Variants in SLC25A4 observed in about 807,000 individuals in gnomAD.
SLC25A4 encodes the protein solute carrier family 25 member 4.
A neutral mutation model predicts 24.7 loss-of-function variants in SLC25A4; 10 were observed. The ratio of observed to expected loss-of-function variants is 0.41; its 90% CI spans 0.25 to 0.69. SLC25A4 has a LOEUF of 0.69. Among genes scored for constraint, SLC25A4 ranks in the 30% least tolerant of loss-of-function variants. The probability of loss-of-function intolerance (pLI) is 0.35; values close to 1 mark genes in which losing one functional copy is unlikely to be tolerated. For missense variants in SLC25A4, 273 were observed against 387.6 expected, an observed-to-expected ratio of 0.70 and a Z score of 2.48; for synonymous variants, 125 against 153.3, an observed-to-expected ratio of 0.82 and a Z score of 1.36.
In SLC25A4 at chr4:185,146,516, A is replaced by G. The variant is rs555931268; in HGVS notation, c.740-298A>G. Reference sequence around the variant, plus strand: ...CCATAAAAAAAGGTAACCGCGTAGCATAATACTCCTGCTCCACTGCGCCCT... The same window carrying G: ...CCATAAAAAAAGGTAACCGCGTAGCGTAATACTCCTGCTCCACTGCGCCCT... On this transcript the variant is annotated intron_variant, in intron 3 of 3. Transcript: ENST00000281456. 3.0e-4 allele frequency among the ~76,000 whole-genome samples: 45 copies of G among 152,362 alleles called. No homozygotes were observed. The East Asian group carries it at 8.3e-3, about 28-fold the overall frequency.
chr4:185,146,890 A>C lies in SLC25A4; in HGVS notation c.816A>C (p.Lys272Asn). The change falls in exon 4 of 4, where the codon AAA becomes AAC. Residue 272 changes from lysine (K) to asparagine (N), a missense_variant. Transcript: ENST00000281456. ...ACGAAGGAGCCAAGGCCTTCTTCAA[A>C]GGTGCCTGGTCCAATGTGCTGAGAG... ...AKDEGAKAFFKGAWSNVLRGM... is the reference protein window; with the variant it reads ...AKDEGAKAFFNGAWSNVLRGM... 1 of 1,614,212 alleles carries C rather than the reference A, an allele frequency of 6.2e-7. No individual in the cohort carries two copies. The highest frequency in any genetic ancestry group is 8.5e-7 in the Non-Finnish European group (1 of 1,180,024).
chr4:185,146,652 G>A (rs1278821316), intron 3 of SLC25A4, among the ~76,000 whole-genome samples, 162 bp from the exon 4 acceptor site: 1 of 152,210 alleles, frequency 6.6e-6, no homozygotes, highest in Non-Finnish European at 1.5e-5. Context: ...TGCCAGTGAA[G>A]CAAGGAAGGA....
rs563528635 is a variant in SLC25A4 at position 185,149,599 on chromosome 4, C to T, written c.*2628C>T. On this transcript the variant is annotated 3_prime_UTR_variant, in exon 4 of 4. Transcript: ENST00000281456. ...GCAGTACTTCCCTCACTAACCTACC[C>T]GCACGCCATACCATCATTGTGCAAA... 6.6e-6 allele frequency: 1 copy of T among 152,302 alleles called. No homozygotes were observed. Among genetic ancestry groups the T allele is most frequent in the Admixed American group, 6.5e-5 (1 of 15,296 alleles). The allele number at this position is 152,302 out of a possible 1,614,324, so 9.4% of individuals were successfully genotyped here. A position where few individuals can be genotyped will look rare whatever the true frequency, so the allele number is the denominator to read the frequency against.
At position 185,143,270 on chromosome 4, in the gene SLC25A4, C is replaced by A. The variant is rs190592847; in HGVS notation, c.-103C>A. 8 of 624,362 alleles carry A rather than the reference C, an allele frequency of 1.3e-5. No individual in the cohort carries two copies. The highest frequency in any genetic ancestry group is 2.3e-5 in the Non-Finnish European group (8 of 349,730). The allele number at this position is 624,362 out of a possible 1,614,324, so 38.7% of individuals were successfully genotyped here. ...GGGAGCTGCGGGCCAGGCGGCGGCC[C>A]CCTAGCGTCGCGCAGGGTCGGGGAC... On this transcript the variant is annotated 5_prime_UTR_variant, in exon 1 of 4. Transcript: ENST00000281456.
rs542483730 is a variant in SLC25A4, at chr4:185,149,680, G to A, written c.*2709G>A. Reference sequence around the variant, plus strand: ...TAAAAGTGACAAGTTGGAATTGAGCGTCCGACTCTCGGGTACCTGCCCCAG... The same window carrying A: ...TAAAAGTGACAAGTTGGAATTGAGCATCCGACTCTCGGGTACCTGCCCCAG... On this transcript the variant is annotated 3_prime_UTR_variant, in exon 4 of 4. Transcript: ENST00000281456. 2.5e-4 allele frequency: 38 copies of A among 152,282 alleles called. No individual in the cohort carries two copies. Among genetic ancestry groups the A allele is most frequent in the African/African-American group, 9.2e-4 (38 of 41,524 alleles). The allele number at this position is 152,282 out of a possible 1,614,324, so 9.4% of individuals were successfully genotyped here.
In SLC25A4 at chr4:185,148,862, G is replaced by C. The variant is rs774112433; in HGVS notation, c.*1891G>C. On this transcript the variant is annotated 3_prime_UTR_variant, in exon 4 of 4. Transcript: ENST00000281456. ...CTCTGTGTTTTCTGACAGGTGGTTG[G>C]GTGGTGGGGGTTGGTCTCTGTACCT... 7.9e-5 allele frequency: 12 copies of C among 152,350 alleles called. No individual in the cohort carries two copies. Among genetic ancestry groups the C allele is most frequent in the Admixed American group, 3.9e-4 (6 of 15,270 alleles). The allele number at this position is 152,350 out of a possible 1,614,324, so 9.4% of individuals were successfully genotyped here.
rs1193312194 is a variant in SLC25A4, at chr4:185,145,847, C to T, written c.687C>T (p.Tyr229=). Residue 229 remains tyrosine, a synonymous_variant, in exon 3 of 4, where the codon TAC becomes TAT. Coordinates refer to ENST00000281456, the MANE Select transcript of SLC25A4 (RefSeq NM_001151.4). The surrounding 1 kb of genome is among the most constrained non-coding windows in gnomAD (Gnocchi z 5.5). ...CGGCAGTCGCAGGGCTGGTGTCCTA[C>T]CCCTTTGACACTGTTCGTCGTAGAA... ...SVTAVAGLVS[Y]PFDTVRRRMM... is the part of the protein sequence containing the mutation. The T allele has an allele frequency of 1.9e-6, 3 of 1,614,060 alleles. No homozygotes were observed. In the Admixed American group the frequency reaches 5.0e-5, roughly 27 times the overall value.
chr4:185,146,356 C>T (rs1800396), intron 3 of SLC25A4, among the ~76,000 whole-genome samples: 82,211 of 152,020 alleles, frequency 0.54, 22,879 homozygotes, highest in East Asian at 0.76. Context: ...TTGAACCATA[C>T]GAAATTGCCA....
In SLC25A4 at chr4:185,143,423, C is replaced by T. The variant is rs1158503866; in HGVS notation, c.51C>T (p.Val17=). ...TAAAGGACTTCCTGGCCGGGGGCGT[C>T]GCCGCTGCCGTCTCCAAGACCGCGG... is the stretch of plus-strand genomic sequence containing the variant. ...SFLKDFLAGG[V]AAAVSKTAVA... is the part of the protein sequence containing the mutation. The change falls in exon 1 of 4, where the codon GTC becomes GTT. Residue 17 remains valine, a synonymous_variant. Coordinates refer to ENST00000281456, the MANE Select transcript of SLC25A4 (RefSeq NM_001151.4). 2.6e-6 allele frequency: 4 copies of T among 1,524,212 alleles called. No homozygotes were observed. Among genetic ancestry groups the T allele is most frequent in the Non-Finnish European group, 8.8e-7 (1 of 1,133,288 alleles). The allele number at this position is 1,524,212 out of a possible 1,614,324, so 94.4% of individuals were successfully genotyped here. A position where few individuals can be genotyped will look rare whatever the true frequency, so the allele number is the denominator to read the frequency against.
At chr4:185,146,562 G>A (rs1003572853) in intron 3 of SLC25A4, among the ~76,000 whole-genome samples, 13 of 152,178 alleles carry the variant, frequency 8.5e-5, no homozygotes, top group African/African-American at 2.9e-4. Context: ...CAGTTGGGCA[G>A]TCCATGAATT....
chr4:185,146,751 T>C, intron 3 of SLC25A4, 63 bp from the exon 4 acceptor site: 1 of 1,592,844 alleles, frequency 6.3e-7, no homozygotes, highest in South Asian at 1.1e-5. Flanking sequence ...TACAGATATG[T>C]TTCAGGGGAA....
chr4:185,143,327 G>T lies in SLC25A4; in HGVS notation c.-46G>T. 8.3e-7 allele frequency: 1 copy of T among 1,203,762 alleles called. No individual in the cohort carries two copies. The highest frequency in any genetic ancestry group is 1.3e-5 in the South Asian group (1 of 75,094). The allele number at this position is 1,203,762 out of a possible 1,614,324, so 74.6% of individuals were successfully genotyped here. A position where few individuals can be genotyped will look rare whatever the true frequency, so the allele number is the denominator to read the frequency against. On this transcript the variant is annotated 5_prime_UTR_variant, in exon 1 of 4. Transcript: ENST00000281456. ...GCGGTGCCAGGCCGGGCGTGGGCGAGAGCACGAACGGGCTGCCTGCGGGCT... is the reference window on the plus strand; with the variant it reads ...GCGGTGCCAGGCCGGGCGTGGGCGATAGCACGAACGGGCTGCCTGCGGGCT...
Position 185,145,841 on chromosome 4 carries a change from G to A in SLC25A4, c.681G>A (p.Val227=), listed in dbSNP as rs34486484. The A allele has an allele frequency of 2.0e-3, 3,179 of 1,614,218 alleles. 44 individuals are homozygous for A. In the African/African-American group the frequency reaches 0.032, roughly 16 times the overall value. Residue 227 remains valine, a synonymous_variant, in exon 3 of 4, where the codon GTG becomes GTA. Transcript: ENST00000281456. This position sits in a 1 kb window ranked among gnomAD's most constrained non-coding sequence, Gnocchi z 5.5. The part of the protein sequence containing the change: ...AQSVTAVAGL[V]SYPFDTVRRR... Reference sequence around the variant, plus strand: ...GTGTGACGGCAGTCGCAGGGCTGGTGTCCTACCCCTTTGACACTGTTCGTC... The same window carrying A: ...GTGTGACGGCAGTCGCAGGGCTGGTATCCTACCCCTTTGACACTGTTCGTC...
rs7660552 is a variant in SLC25A4, at chr4:185,147,483, A to G, written c.*512A>G. ...TCATATTCTATCTATCTTATCCAGC[A>G]TTACTGTAGGCTAGAAAGTGATAAT... is the stretch of plus-strand genomic sequence containing the variant. On this transcript the variant is annotated 3_prime_UTR_variant, in exon 4 of 4. Transcript: ENST00000281456. 0.91 allele frequency: 141,850 copies of G among 156,198 alleles called. 64,629 individuals carry two copies. The highest frequency in any genetic ancestry group is 0.98 in the African/African-American group (40,683 of 41,590). The allele number at this position is 156,198 out of a possible 1,614,324, so 9.7% of individuals were successfully genotyped here.
Position 185,143,308 on chromosome 4 carries a change from C to T in SLC25A4, c.-65C>T, listed in dbSNP as rs1003618782. 1.3e-4 allele frequency: 124 copies of T among 976,642 alleles called. No individual in the cohort carries two copies. Among genetic ancestry groups the T allele is most frequent in the Non-Finnish European group, 1.7e-4 (111 of 646,148 alleles). The allele number at this position is 976,642 out of a possible 1,614,324, so 60.5% of individuals were successfully genotyped here. A position where few individuals can be genotyped will look rare whatever the true frequency, so the allele number is the denominator to read the frequency against. ...CAGGGTCGGGGACTGCGCGGCGGTG[C>T]CAGGCCGGGCGTGGGCGAGAGCACG... On this transcript the variant is annotated 5_prime_UTR_variant, in exon 1 of 4. Coordinates refer to ENST00000281456, the MANE Select transcript of SLC25A4 (RefSeq NM_001151.4).
rs1734380851 is a variant in SLC25A4, at chr4:185,143,452, C to T, written c.80C>T (p.Ala27Val). The T allele has an allele frequency of 6.6e-7, 1 of 1,503,936 alleles. No individual in the cohort carries two copies. Among genetic ancestry groups the T allele is most frequent in the Non-Finnish European group, 8.9e-7 (1 of 1,122,434 alleles). 93.2% of individuals were successfully genotyped at this position (1,503,936 alleles called of 1,614,324 possible). ...GCTGCCGTCTCCAAGACCGCGGTCGCCCCCATCGAGAGGGTCAAACTGCTG... is the reference window on the plus strand; with the variant it reads ...GCTGCCGTCTCCAAGACCGCGGTCGTCCCCATCGAGAGGGTCAAACTGCTG... ...VAAAVSKTAV[A>V]PIERVKLLLQ... The change falls in exon 1 of 4, where the codon GCC becomes GTC. Residue 27 changes from alanine (A) to valine (V), a missense_variant. Physicochemically the swap from Ala to Val is moderately conservative, Grantham distance 64. Transcript: ENST00000281456.
rs1207325322 is a variant in SLC25A4 at position 185,147,418 on chromosome 4, C to T, written c.*447C>T. 4 of 177,336 alleles carry T rather than the reference C, an allele frequency of 2.3e-5. No homozygotes were observed. The highest frequency in any genetic ancestry group is 3.6e-5 in the Non-Finnish European group (3 of 83,538). The allele number at this position is 177,336 out of a possible 1,614,324, so 11.0% of individuals were successfully genotyped here. A position where few individuals can be genotyped will look rare whatever the true frequency, so the allele number is the denominator to read the frequency against. On this transcript the variant is annotated 3_prime_UTR_variant, in exon 4 of 4. Coordinates refer to ENST00000281456, the MANE Select transcript of SLC25A4 (RefSeq NM_001151.4). The stretch of plus-strand genomic sequence containing the variant: ...ATATTGAGAATGTATTATATGAGAA[C>T]GTACAATGCTTAAAGTTCCGGTTTT...
At chr4:185,146,169 G>C (rs965429664) in intron 3 of SLC25A4, among the ~76,000 whole-genome samples, 1 of 152,134 alleles carries the variant, frequency 6.6e-6, no homozygotes, top group Non-Finnish European at 1.5e-5. Flanking sequence ...AGAGACCCTA[G>C]GCCCTCTTCC....
rs1734514437 is a variant in SLC25A4, at chr4:185,150,129, C to T, written c.*3158C>T. 1 of 152,266 alleles carries T rather than the reference C, an allele frequency of 6.6e-6. No homozygotes were observed. Among genetic ancestry groups the T allele is most frequent in the Admixed American group, 6.5e-5 (1 of 15,290 alleles). 9.4% of individuals were successfully genotyped at this position (152,266 alleles called of 1,614,324 possible). The stretch of plus-strand genomic sequence containing the variant: ...TTATCTTCCACACCTGGTACAGTGC[C>T]CAGGACAGAGAAGGTGTTTAGCAAG... On this transcript the variant is annotated 3_prime_UTR_variant, in exon 4 of 4. Transcript: ENST00000281456.
Sources: gnomAD v4.1 joint callset for allele counts (sites outside exome capture counted in the v4.1 genomes callset) on GRCh38, gnomAD v4.1.1 for gene constraint, Gnocchi (gnomAD v3.1) non-coding constraint, MANE v1.5 for transcripts, NCBI Gene and HGNC (gene_info 2026-07-23, HGNC 2026-07-21) for gene names.